The following LILRA6 variants were observed in gnomAD, a reference collection of about 807,000 sequenced individuals.
LILRA6 encodes the protein leukocyte immunoglobulin like receptor A6.
LILRA6 carries 16 observed loss-of-function variants against 53.9 expected under a neutral mutation model. That is an observed-to-expected ratio of 0.30 (90% CI 0.20 to 0.45). The LOEUF is 0.45. Among genes scored for constraint, LILRA6 ranks in the 20% least tolerant of loss-of-function variants. LILRA6 has a pLI of 1.00. For synonymous variants in LILRA6, 135 were observed against 256.4 expected (o/e 0.53, Z 4.52); for missense variants, 306 against 618.6 (o/e 0.49, Z 5.36).
downstream of LILRA6, chr19:54,236,618 C>T (rs2078645314): frequency 6.6e-6 from 1 of 150,938 alleles, no homozygotes; most frequent in South Asian, 2.1e-4. Context: ...TTTATTGCAG[C>T]AGTATTCACA....
rs1159532599 is a variant in LILRA6 at position 54,242,444 on chromosome 19, CT to C, written c.70+74del. The C allele has an allele frequency of 1.6e-5, 17 of 1,075,518 alleles. 5 individuals carry two copies. The highest frequency in any genetic ancestry group is 7.9e-4 in the Middle Eastern group (2 of 2,540). The allele number at this position is 1,075,518 out of a possible 1,614,324, so 66.6% of individuals were successfully genotyped here. A position where few individuals can be genotyped will look rare whatever the true frequency, so the allele number is the denominator to read the frequency against. On this transcript the variant is annotated intron_variant, in intron 2 of 7. Coordinates refer to ENST00000396365, the Ensembl canonical transcript of LILRA6. ...CCTCCCCACCCAGAACTGCTGTCTC[CT>C]CCCCCAGCTGCCCATGTGTGGCCCT... is the stretch of plus-strand genomic sequence containing the variant.
chr19:54,239,469 TCCTC>T, intron 7 of LILRA6: 2 of 624,924 alleles, frequency 3.2e-6, no homozygotes, highest in Admixed American at 6.7e-5. Context: ...CTGAGCCATT[TCCTC>T]CCTCCCATGG....
downstream of LILRA6, chr19:54,237,459 T>C (rs1262872158): frequency 6.6e-6 from 1 of 150,926 alleles, no homozygotes; most frequent in African/African-American, 2.5e-5. Flanking sequence ...GATTACCACA[T>C]GCTCCCAAGA....
chr19:54,238,877 T>C (rs2078672300), exon 8 of LILRA6: 10 of 1,574,248 alleles, frequency 6.4e-6, no homozygotes, highest in Non-Finnish European at 8.6e-6. Flanking sequence ...TAGATTGTCC[T>C]CCAGAGCCTT....
exon 5 of LILRA6, chr19:54,240,953 T>G (rs1171957825): frequency 6.2e-7 from 1 of 1,614,036 alleles, no homozygotes; most frequent in East Asian, 2.2e-5. Flanking sequence ...GAAGTTGGCC[T>G]GGGAGAGCCC....
Position 54,242,475 on chromosome 19 carries a change from C to T in LILRA6, c.70+44G>A, listed in dbSNP as rs2078791605. On this transcript the variant is annotated intron_variant, in intron 2 of 7. Coordinates refer to ENST00000396365, the Ensembl canonical transcript of LILRA6. ...CAGCTGCCCATGTGTGGCCCTTGTC[C>T]CTAGTAAGGATGAGGGACCTGGGAC... 9 of 1,077,868 alleles carry T rather than the reference C, an allele frequency of 8.3e-6. 2 individuals carry two copies. The South Asian group carries it at 1.8e-4, about 21-fold the overall frequency. 66.8% of individuals were successfully genotyped at this position (1,077,868 alleles called of 1,614,324 possible). A position where few individuals can be genotyped will look rare whatever the true frequency, so the allele number is the denominator to read the frequency against.
exon 8 of LILRA6, chr19:54,239,075 C>A (rs750540623): frequency 1.1e-5 from 17 of 1,611,226 alleles, no homozygotes; most frequent in African/African-American, 1.4e-5. Flanking sequence ...ACTGTGTAAT[C>A]CTTGGCGTGT....
At chr19:54,238,395 T>C (rs1301155748), downstream of LILRA6, 1 of 151,420 alleles carries the variant, frequency 6.6e-6, no homozygotes, top group Non-Finnish European at 1.5e-5. Context: ...TCAAGTAATT[T>C]GCAGTCCTAC....
chr19:54,239,173 C>T, intron 7 of LILRA6, 84 bp from the exon 8 acceptor site: 2 of 1,592,692 alleles, frequency 1.3e-6, no homozygotes, highest in Non-Finnish European at 1.7e-6. Context: ...CCAGGGCACC[C>T]CCCATCCGCC....
rs775950465 is a variant in LILRA6 at position 54,238,973 on chromosome 19, G to A, written c.1426C>T (p.Gln476Ter). The A allele has an allele frequency of 1.2e-6, 2 of 1,611,316 alleles. No homozygotes were observed. The highest frequency in any genetic ancestry group is 3.3e-5 in the Admixed American group (2 of 59,912). Reference sequence around the variant, plus strand: ...GCTGTTCACCTCCCGGCTGCATCTTGGGGGTTTCTCTGGCTGTGCTGAGCC... The same window carrying A: ...GCTGTTCACCTCCCGGCTGCATCTTAGGGGTTTCTCTGGCTGTGCTGAGCC... Residue 476 changes from glutamine to a stop codon, truncating the protein, a stop_gained, in exon 8 of 8, where the codon CAA becomes TAA. Transcript: ENST00000396365. LOFTEE classifies it high-confidence loss of function.
chr19:54,239,344 C>A, intron 7 of LILRA6: 1 of 1,137,370 alleles, frequency 8.8e-7, no homozygotes, highest in South Asian at 1.7e-5. Context: ...GGCCTCATGA[C>A]GTGGCTTTTA....
chr19:54,240,856 G>C, exon 5 of LILRA6: 1 of 1,613,736 alleles, frequency 6.2e-7, no homozygotes, highest in Non-Finnish European at 8.5e-7. Context: ...TCAGGGGGTC[G>C]CTGGGGGCCG....
In LILRA6 at chr19:54,241,669, TGGG is replaced by T. The variant is rs2078766722; in HGVS notation, c.562_564del (p.Pro188del). ...TAGCATGTGAACCTCCACCTGTGGC[TGGG>T]GTTCACGGGGCCCACAGGGAACAGG... On this transcript the variant is annotated inframe_deletion, in exon 4 of 8. Coordinates refer to ENST00000396365, the Ensembl canonical transcript of LILRA6. 2 of 1,512,266 alleles carry T rather than the reference TGGG, an allele frequency of 1.3e-6. 1 individual carries two copies. The highest frequency in any genetic ancestry group is 1.8e-6 in the Non-Finnish European group (2 of 1,114,958). The allele number at this position is 1,512,266 out of a possible 1,614,324, so 93.7% of individuals were successfully genotyped here. A position where few individuals can be genotyped will look rare whatever the true frequency, so the allele number is the denominator to read the frequency against.
intron 7 of LILRA6, 63 bp downstream of exon 7, chr19:54,239,838 C>T: frequency 1.3e-6 from 2 of 1,550,756 alleles, no homozygotes; most frequent in Admixed American, 2.0e-5. Context: ...GGAGTGGGAT[C>T]CTTTGGGAGA....
At chr19:54,239,701 T>C (rs2078695872) in intron 7 of LILRA6, 200 bp downstream of exon 7, 3 of 1,547,512 alleles carry the variant, frequency 1.9e-6, no homozygotes, top group Non-Finnish European at 2.6e-6. Flanking sequence ...GGGGCTACCT[T>C]GCTCCCCACA....
At chr19:54,241,788 C>A (rs1215987485) in exon 4 of LILRA6, 2 of 1,365,098 alleles carry the variant, frequency 1.5e-6, no homozygotes, top group Admixed American at 1.9e-5. Flanking sequence ...ATGGTGATAT[C>A]CCTTCTGTGA....
intron 7 of LILRA6, chr19:54,239,312 G>A (rs778521061): frequency 6.5e-6 from 9 of 1,378,816 alleles, no homozygotes; most frequent in Non-Finnish European, 8.7e-6. Flanking sequence ...TCTCCCCTGG[G>A]CTCTGCGTTC....
rs775882055 is a variant in LILRA6, at chr19:54,241,593, A to AG, written c.640dup (p.Leu214ProfsTer10). The AG allele has an allele frequency of 6.8e-7, 1 of 1,470,450 alleles. No homozygotes were observed. Among genetic ancestry groups the AG allele is most frequent in the Non-Finnish European group, 9.3e-7 (1 of 1,074,130 alleles). 91.1% of individuals were successfully genotyped at this position (1,470,450 alleles called of 1,614,324 possible). On this transcript the variant is annotated frameshift_variant, in exon 4 of 8. Coordinates refer to ENST00000396365, the Ensembl canonical transcript of LILRA6. LOFTEE classifies it high-confidence loss of function. Reference sequence around the variant, plus strand: ...TCCCTCACCTGAGGGCAGAATCTCCAGGGGGTCACTGGGGTGGGACCACAC... The same window carrying AG: ...TCCCTCACCTGAGGGCAGAATCTCCAGGGGGGTCACTGGGGTGGGACCACAC...
rs1188541250 is a variant in LILRA6, at chr19:54,239,978, G to C, written c.1259-27C>G. On this transcript the variant is annotated intron_variant, in intron 6 of 7. Coordinates refer to ENST00000396365, the Ensembl canonical transcript of LILRA6. ...TGGAAGGAGCACGGGAGGCGGGTGA[G>C]GGGCGGGGGCCGTCCATGGAGTGCA... The C allele has an allele frequency of 7.1e-6, 11 of 1,541,100 alleles. No homozygotes were observed. In the East Asian group the frequency reaches 2.7e-4, roughly 38 times the overall value.
Sources: allele counts gnomAD v4.1 joint callset, GRCh38; gene constraint gnomAD v4.1.1; transcripts MANE v1.5; gene names NCBI Gene and HGNC (gene_info 2026-07-23, HGNC 2026-07-21).